Variants in BRCA2 observed in about 807,000 individuals in gnomAD.
The protein encoded by BRCA2 is BRCA2 DNA repair associated.
Under a neutral mutation model 276.7 loss-of-function variants are expected in BRCA2, and 203 were observed. The observed-to-expected ratio is 0.73, with a 90% CI of 0.65 to 0.82. The LOEUF (loss-of-function observed/expected upper bound fraction) is 0.82. Ranked by LOEUF, BRCA2 falls within the 40% of genes least tolerant of loss-of-function variation. The pLI is 0.00. For missense variants in BRCA2, 3,920 were observed against 3,915.0 expected, an observed-to-expected ratio of 1.00 and a Z score of -0.03; for synonymous variants, 1,289 against 1,338.4, an observed-to-expected ratio of 0.96 and a Z score of 0.81.
At chr13:32,376,621 G>T (rs2137612002) in intron 20 of BRCA2, 49 bp from the exon 21 acceptor site, 1 of 1,594,804 alleles carries the variant, frequency 6.3e-7, no homozygotes, top group Non-Finnish European at 8.6e-7. Flanking sequence ...AGTTTTAGTT[G>T]CTTTTGAATT....
Position 32,340,228 on chromosome 13 carries a change from G to A in BRCA2, c.5873G>A (p.Cys1958Tyr), listed in dbSNP as rs1168669263. ...GTTAGTTTGGAAACTTCAGATATAT[G>A]TAAATGTAGTATAGGGAAGCTTCAT... ...CDVSLETSDI[C>Y]KCSIGKLHKS... The change falls in exon 11 of 27, where the codon TGT (cysteine) becomes TAT (tyrosine). Residue 1958 changes from cysteine (C) to tyrosine (Y), a missense_variant. Coordinates refer to ENST00000380152, the MANE Select transcript of BRCA2 (RefSeq NM_000059.4). 1 of 1,613,972 alleles carries A rather than the reference G, an allele frequency of 6.2e-7. No homozygotes were observed. The highest frequency in any genetic ancestry group is 1.7e-5 in the Admixed American group (1 of 60,018).
At chr13:32,363,562 T>A (rs760513336) in intron 18 of BRCA2, 29 bp downstream of exon 18, 2 of 1,577,494 alleles carry the variant, frequency 1.3e-6, no homozygotes, top group Non-Finnish European at 1.7e-6. Context: ...TTGGTAAAAA[T>A]CAGTCATTGA....
intron 18 of BRCA2, among the ~76,000 whole-genome samples, chr13:32,367,862 A>G (rs1043532891): frequency 6.6e-6 from 1 of 152,058 alleles, no homozygotes; most frequent in Non-Finnish European, 1.5e-5. Flanking sequence ...TTCTTCTCTT[A>G]TATGATCTAT....
At chr13:32,322,690 G>T (rs775153117) in intron 3 of BRCA2, among the ~76,000 whole-genome samples, 10 of 152,334 alleles carry the variant, frequency 6.6e-5, no homozygotes, top group African/African-American at 9.6e-5. Context: ...CAGAGATTTT[G>T]TTTATGGCCA....
Position 32,339,525 on chromosome 13 carries a change from A to G in BRCA2, c.5170A>G (p.Ile1724Val), listed in dbSNP as rs35335654. The G allele has an allele frequency of 3.5e-5, 56 of 1,603,398 alleles. No individual in the cohort carries two copies. The African/African-American group carries it at 7.0e-4, about 20-fold the overall frequency. Residue 1724 changes from isoleucine (I) to valine (V), a missense_variant, in exon 11 of 27, where the codon ATA becomes GTA. By Grantham distance (29) the Ile-to-Val change is conservative. Coordinates refer to ENST00000380152, the MANE Select transcript of BRCA2 (RefSeq NM_000059.4). ...YLYENNSNST[I>V]AENDKNHLSE... ...GTATGAAAATAATTCAAACAGTACT[A>G]TAGCTGAAAATGACAAAAATCATCT...
At position 32,337,288 on chromosome 13, in the gene BRCA2, A is replaced by G. The variant is rs775890004; in HGVS notation, c.2933A>G (p.Asn978Ser). 1.2e-6 allele frequency: 2 copies of G among 1,612,542 alleles called. No individual in the cohort carries two copies. The highest frequency in any genetic ancestry group is 1.7e-5 in the Admixed American group (1 of 59,760). ...GATTTAAAATCGGACATCTCCTTGA[A>G]TATAGATAAAATACCAGAAAAAAAT... ...GQDLKSDISL[N>S]IDKIPEKNND... The change falls in exon 11 of 27, where the codon AAT becomes AGT. Residue 978 changes from asparagine to serine, a missense_variant. By Grantham distance (46) the Asn-to-Ser change is conservative. Around this residue, in one of 2 missense-constraint regions of BRCA2, gnomAD observed 3,263 missense variants for 3,156.9 expected, o/e 1.03. Coordinates refer to ENST00000380152, the MANE Select transcript of BRCA2 (RefSeq NM_000059.4).
At chr13:32,393,587 G>A (rs2073012398) in intron 24 of BRCA2, among the ~76,000 whole-genome samples, 1 of 151,878 alleles carries the variant, frequency 6.6e-6, no homozygotes. Context: ...GATGTTCCAA[G>A]TTCATCTTAT....
chr13:32,334,210 C>T lies in BRCA2; in HGVS notation c.1909+823C>T, dbSNP rs1963505. On this transcript the variant is annotated intron_variant, in intron 10 of 26. Coordinates refer to ENST00000380152, the MANE Select transcript of BRCA2 (RefSeq NM_000059.4). ...GGAATTGCCACACTGTCTTCCACAA[C>T]GGTTGAACTAATTTACATTCCAGCC... 0.33 allele frequency among the ~76,000 whole-genome samples: 49,639 copies of T among 152,080 alleles called. 8,339 individuals are homozygous for T. The highest frequency in any genetic ancestry group is 0.5 in the East Asian group (2,574 of 5,166).
chr13:32,390,841 G>A (rs190965881), intron 24 of BRCA2, among the ~76,000 whole-genome samples: 507 of 152,226 alleles, frequency 3.3e-3, no homozygotes, highest in Non-Finnish European at 5.9e-3. Context: ...TTGAAGCAGG[G>A]GTCAGTTGTT....
rs1555286273 is a variant in BRCA2 at position 32,356,529 on chromosome 13, G to C, written c.7537G>C (p.Ala2513Pro). The C allele has an allele frequency of 6.2e-7, 1 of 1,614,190 alleles. No homozygotes were observed. ...VFPQPGSLYL[A>P]KTSTLPRISL... ...TCCACAGCCAGGCAGTCTGTATCTT[G>C]CAAAAACATCCACTCTGCCTCGAAT... is the stretch of plus-strand genomic sequence containing the variant. The change falls in exon 15 of 27, where the codon GCA (alanine) becomes CCA (proline). Residue 2513 changes from alanine (A) to proline (P), a missense_variant. Ala to Pro is a conservative substitution (Grantham distance 27). Coordinates refer to ENST00000380152, the MANE Select transcript of BRCA2 (RefSeq NM_000059.4).
chr13:32,339,756 C>T lies in BRCA2; in HGVS notation c.5401C>T (p.Pro1801Ser), dbSNP rs2072528556. 1 of 1,613,568 alleles carries T rather than the reference C, an allele frequency of 6.2e-7. No homozygotes were observed. Among genetic ancestry groups the T allele is most frequent in the Non-Finnish European group, 8.5e-7 (1 of 1,179,840 alleles). Residue 1801 changes from proline to serine, a missense_variant, in exon 11 of 27, where the codon CCA (proline) becomes TCA (serine). By Grantham distance (74) the Pro-to-Ser change is moderately conservative (BLOSUM62 -1). Transcript: ENST00000380152. ...CAATGTAAAAGATGCAAATGCATAC[C>T]CACAAACTGTAAATGAAGATATTTG... Reference protein sequence around the residue: ...ISNVKDANAYPQTVNEDICVE... With the variant: ...ISNVKDANAYSQTVNEDICVE...
At chr13:32,392,055 T>A (rs973881976) in intron 24 of BRCA2, among the ~76,000 whole-genome samples, 24 of 152,152 alleles carry the variant, frequency 1.6e-4, no homozygotes, top group African/African-American at 4.8e-4. Context: ...TAGAGGCAAG[T>A]TCCAAAATTA....
At chr13:32,397,161 G>A in intron 26 of BRCA2, 117 bp downstream of exon 26, 1 of 1,181,826 alleles carries the variant, frequency 8.5e-7, no homozygotes. Flanking sequence ...AGAAAATGTG[G>A]TTGTTATGTG....
At chr13:32,374,528 A>G (rs1398591488) in intron 20 of BRCA2, among the ~76,000 whole-genome samples, 2 of 152,238 alleles carry the variant, frequency 1.3e-5, no homozygotes, top group African/African-American at 4.8e-5. Flanking sequence ...AGGATACCCT[A>G]AATCATCTCT....
At position 32,338,849 on chromosome 13, in the gene BRCA2, T is replaced by A. The variant is rs373160367; in HGVS notation, c.4494T>A (p.Gly1498=). Residue 1498 remains glycine (G), a synonymous_variant, in exon 11 of 27, where the codon GGT becomes GGA. Transcript: ENST00000380152. The part of the protein sequence containing the change: ...HKILKESVPV[G]TGNQLVTFQG... ...TACTGAAAGAAAGTGTCCCAGTTGG[T>A]ACTGGAAATCAACTAGTGACCTTCC... The A allele has an allele frequency of 3.2e-5, 52 of 1,613,516 alleles. No homozygotes were observed. The highest frequency in any genetic ancestry group is 4.3e-5 in the Non-Finnish European group (51 of 1,179,602).
At chr13:32,333,417 G>T (rs2137476483) in intron 10 of BRCA2, 30 bp downstream of exon 10, 1 of 1,592,264 alleles carries the variant, frequency 6.3e-7, no homozygotes, top group Admixed American at 1.7e-5. Context: ...TTTGTAAATA[G>T]TACATATAGT....
At chr13:32,392,466 A>C (rs2073003335) in intron 24 of BRCA2, among the ~76,000 whole-genome samples, 1 of 152,044 alleles carries the variant, frequency 6.6e-6, no homozygotes, top group Non-Finnish European at 1.5e-5. Flanking sequence ...CAGGCAGATC[A>C]CTTGAGGCCA....
intron 7 of BRCA2, among the ~76,000 whole-genome samples, chr13:32,326,986 T>C (rs2072354878): frequency 6.6e-6 from 1 of 152,234 alleles, no homozygotes; most frequent in Non-Finnish European, 1.5e-5. Context: ...TTGTTTTCTC[T>C]ACTTAAATGT....
rs747489126 is a variant in BRCA2 at position 32,332,846 on chromosome 13, G to C, written c.1368G>C (p.Glu456Asp). The change falls in exon 10 of 27, where the codon GAG becomes GAC. Residue 456 changes from glutamate (E) to aspartate (D), a missense_variant. This residue lies in a region of BRCA2 where 3,263 missense variants were observed against 3,156.9 expected (regional missense o/e 1.03). Coordinates refer to ENST00000380152, the MANE Select transcript of BRCA2 (RefSeq NM_000059.4). ...LPRISSLPKS[E>D]KPLNEETVVN... ...GTATTTCTAGCCTACCAAAATCAGAGAAGCCATTAAATGAGGAAACAGTGG... is the reference window on the plus strand; with the variant it reads ...GTATTTCTAGCCTACCAAAATCAGACAAGCCATTAAATGAGGAAACAGTGG... 6.2e-7 allele frequency: 1 copy of C among 1,611,106 alleles called. No homozygotes were observed. The highest frequency in any genetic ancestry group is 8.5e-7 in the Non-Finnish European group (1 of 1,179,378).
Sources: allele counts gnomAD v4.1 joint callset (sites outside exome capture counted in the v4.1 genomes callset), GRCh38; gene constraint gnomAD v4.1.1; regional missense constraint gnomAD v4.1.1; transcripts MANE v1.5; gene names NCBI Gene and HGNC (gene_info 2026-07-23, HGNC 2026-07-21).